TSPAN15: variants seen among roughly 807,000 people sequenced by gnomAD.
TSPAN15 encodes tetraspanin-15.
TSPAN15 carries 20 observed loss-of-function variants against 34.5 expected under a neutral mutation model. The ratio of observed to expected loss-of-function variants is 0.58; its 90% CI spans 0.41 to 0.84. The LOEUF (loss-of-function observed/expected upper bound fraction) is 0.84, where lower values mean the gene tolerates loss of function less well. TSPAN15 is among the 40% of genes least tolerant of loss of function. TSPAN15 has a pLI of 0.00. For missense variants in TSPAN15, 313 were observed against 386.1 expected, an observed-to-expected ratio of 0.81 and a Z score of 1.59; for synonymous variants, 155 against 153.9, an observed-to-expected ratio of 1.01 and a Z score of -0.05.
intron 1 of TSPAN15, among the ~76,000 whole-genome samples, chr10:69,461,734 T>C (rs1841262290): frequency 6.7e-6 from 1 of 148,434 alleles, no homozygotes; most frequent in Non-Finnish European, 1.5e-5. Context: ...CTGTGGCAGA[T>C]TGGGACCATC....
chr10:69,507,651 G>GTTT (rs398014021), exon 8 of TSPAN15: 458 of 1,010,824 alleles, frequency 4.5e-4, no homozygotes, highest in East Asian at 1.4e-3. Flanking sequence ...ATAAAAACAT[G>GTTT]TTTTTTTTTT....
Position 69,507,082 on chromosome 10 carries a change from G to C in TSPAN15, c.*104G>C. 6 of 1,517,920 alleles carry C rather than the reference G, an allele frequency of 4.0e-6. No homozygotes were observed. Among genetic ancestry groups the C allele is most frequent in the Non-Finnish European group, 5.3e-6 (6 of 1,134,796 alleles). 94.0% of individuals were successfully genotyped at this position (1,517,920 alleles called of 1,614,324 possible). A position where few individuals can be genotyped will look rare whatever the true frequency, so the allele number is the denominator to read the frequency against. ...GCTGCGGCCCCTCTGCCCACACTCA[G>C]TACTGACCAAAGCCAGGGCTGTGTG... On this transcript the variant is annotated 3_prime_UTR_variant, in exon 8 of 8. Coordinates refer to ENST00000373290, the MANE Select transcript of TSPAN15 (RefSeq NM_012339.5).
Position 69,485,168 on chromosome 10 carries a change from A to C in TSPAN15, c.310A>C (p.Ile104Leu), listed in dbSNP as rs1436254671. The change falls in exon 3 of 8, where the codon ATC becomes CTC. Residue 104 changes from isoleucine (I) to leucine (L), a missense_variant. By Grantham distance (5) the Ile-to-Leu change is conservative. Transcript: ENST00000373290. ...CATGTACATCCTTGGGATCTGCCTC[A>C]TCATGGAGCTCATTGGTGGCGTGGT... ...AFMYILGICLIMELIGGVVAL... is the reference protein window; with the variant it reads ...AFMYILGICLLMELIGGVVAL... 1 of 1,614,096 alleles carries C rather than the reference A, an allele frequency of 6.2e-7. No individual in the cohort carries two copies. The highest frequency in any genetic ancestry group is 1.1e-5 in the South Asian group (1 of 91,074).
chr10:69,514,559 G>A, the TSPAN15 span, among the ~76,000 whole-genome samples: 1 of 152,154 alleles, frequency 6.6e-6, no homozygotes, highest in Non-Finnish European at 1.5e-5. Flanking sequence ...TTCTTCTTGA[G>A]AGCTTTGGTA....
At chr10:69,474,687 G>A (rs1841578502) in intron 1 of TSPAN15, among the ~76,000 whole-genome samples, 1 of 152,072 alleles carries the variant, frequency 6.6e-6, no homozygotes, top group African/African-American at 2.4e-5. Context: ...CGGTTACCCT[G>A]GGAGGAAGCA....
chr10:69,455,632 C>CCGCCCA (rs1554830597), intron 1 of TSPAN15, among the ~76,000 whole-genome samples: 1 of 136,470 alleles, frequency 7.3e-6, no homozygotes, highest in East Asian at 2.1e-4. Context: ...CTCTCCCCCC[C>CCGCCCA]CCGTCTCTTT....
At chr10:69,491,092 A>T (rs1841958743) in intron 3 of TSPAN15, among the ~76,000 whole-genome samples, 1 of 152,118 alleles carries the variant, frequency 6.6e-6, no homozygotes, top group Non-Finnish European at 1.5e-5. Flanking sequence ...ACCCTCTCCC[A>T]CCATGGAGAT....
chr10:69,548,949 G>C, the TSPAN15 span, among the ~76,000 whole-genome samples: 1 of 136,896 alleles, frequency 7.3e-6, no homozygotes, highest in Non-Finnish European at 1.7e-5. Context: ...CTAGAGTGAA[G>C]GTTACTGTAG....
At chr10:69,529,231 T>A in the TSPAN15 span, among the ~76,000 whole-genome samples, 1 of 147,568 alleles carries the variant, frequency 6.8e-6, no homozygotes, top group Non-Finnish European at 1.5e-5. Flanking sequence ...CAGTGGCACC[T>A]GGAGAATTCC....
chr10:69,507,227 G>A lies in TSPAN15; in HGVS notation c.*249G>A, dbSNP rs1842350964. 1 of 1,394,130 alleles carries A rather than the reference G, an allele frequency of 7.2e-7. No homozygotes were observed. The highest frequency in any genetic ancestry group is 1.5e-5 in the African/African-American group (1 of 68,692). The allele number at this position is 1,394,130 out of a possible 1,614,324, so 86.4% of individuals were successfully genotyped here. On this transcript the variant is annotated 3_prime_UTR_variant, in exon 8 of 8. Transcript: ENST00000373290. ...GCCCACCTGGGGCCTGGGGAACAAG[G>A]CCCTCCTTTCTCCAGGCCTGGGCTA... is the stretch of plus-strand genomic sequence containing the variant.
At chr10:69,494,430 G>A (rs1046671307) in intron 3 of TSPAN15, among the ~76,000 whole-genome samples, 8 of 152,222 alleles carry the variant, frequency 5.3e-5, no homozygotes, top group African/African-American at 1.4e-4. Flanking sequence ...TCCCTATGAG[G>A]CAGAGAGTGT....
At chr10:69,514,485 T>C in the TSPAN15 span, among the ~76,000 whole-genome samples, 1 of 152,204 alleles carries the variant, frequency 6.6e-6, no homozygotes. Flanking sequence ...ACCTGGAAAA[T>C]CTTCTTTGTA....
downstream of TSPAN15, among the ~76,000 whole-genome samples, chr10:69,509,346 C>T (rs1589659500): frequency 1.3e-5 from 2 of 152,196 alleles, no homozygotes. Flanking sequence ...GGTCACTCAC[C>T]TCTAAAGAAA....
chr10:69,486,610 T>C (rs1841859640), intron 3 of TSPAN15, among the ~76,000 whole-genome samples: 2 of 152,120 alleles, frequency 1.3e-5, no homozygotes, highest in African/African-American at 4.8e-5. Context: ...AGCCAAATTA[T>C]CTTTCTTTTC....
chr10:69,462,498 G>A (rs1353761108), intron 1 of TSPAN15, among the ~76,000 whole-genome samples: 2 of 151,922 alleles, frequency 1.3e-5, no homozygotes, highest in East Asian at 1.9e-4. Flanking sequence ...ATCACGCCCA[G>A]CTAATTTTTT....
the TSPAN15 span, among the ~76,000 whole-genome samples, chr10:69,516,150 A>G: frequency 6.6e-6 from 1 of 152,222 alleles, no homozygotes; most frequent in East Asian, 1.9e-4. Flanking sequence ...TCATTCGGTC[A>G]CTATGTACCA....
At chr10:69,533,738 G>T in the TSPAN15 span, among the ~76,000 whole-genome samples, 1 of 152,226 alleles carries the variant, frequency 6.6e-6, no homozygotes, top group Non-Finnish European at 1.5e-5. Flanking sequence ...TTTATAGTCA[G>T]TTGGTCAGAA....
intron 3 of TSPAN15, among the ~76,000 whole-genome samples, chr10:69,494,216 A>T (rs1460759159): frequency 2.0e-5 from 3 of 152,160 alleles, no homozygotes; most frequent in Non-Finnish European, 4.4e-5. Context: ...CCTCCATTGC[A>T]GTCAGTTTTT....
the TSPAN15 span, among the ~76,000 whole-genome samples, chr10:69,528,253 G>A: frequency 2.0e-5 from 3 of 148,522 alleles, no homozygotes; most frequent in African/African-American, 7.3e-5. Flanking sequence ...CAGCTTCCCT[G>A]GCTGGCATTG....
Sources: allele counts gnomAD v4.1 joint callset (sites outside exome capture counted in the v4.1 genomes callset), GRCh38; gene constraint gnomAD v4.1.1; transcripts MANE v1.5; gene names NCBI Gene and HGNC (gene_info 2026-07-23, HGNC 2026-07-21).